The following KDM5A variants were observed in gnomAD, a reference collection of about 807,000 sequenced individuals.
KDM5A encodes lysine demethylase 5A, also known as lysine-specific demethylase 5A.
A neutral mutation model predicts 193.5 loss-of-function variants in KDM5A; 42 were observed. The ratio of observed to expected loss-of-function variants is 0.22; its 90% CI spans 0.17 to 0.28. The LOEUF (loss-of-function observed/expected upper bound fraction) is 0.28. Ranked by LOEUF, KDM5A falls within the 10% of genes least tolerant of loss-of-function variation. The pLI, the probability that KDM5A is intolerant of heterozygous loss-of-function variation, is 1.00. For synonymous variants in KDM5A, 796 were observed against 718.1 expected (o/e 1.11, Z -1.73); for missense variants, 1,692 against 2,055.1 (o/e 0.82, Z 3.42).
At chr12:356,661 TA>T in intron 5 of KDM5A, 124 bp from the exon 6 acceptor site, 1 of 703,000 alleles carries the variant, frequency 1.4e-6, no homozygotes. Context: ...TTCTTTTCTG[TA>T]AATCCACTCA....
At chr12:380,882 G>A (rs544108864) in intron 3 of KDM5A, among the ~76,000 whole-genome samples, 5 of 151,832 alleles carry the variant, frequency 3.3e-5, no homozygotes, top group African/African-American at 1.2e-4. Flanking sequence ...TGCAACCTCT[G>A]CCTCCCGGTT....
chr12:372,358 G>A (rs887028856), intron 3 of KDM5A, among the ~76,000 whole-genome samples: 6 of 152,150 alleles, frequency 3.9e-5, no homozygotes, highest in Non-Finnish European at 4.4e-5. Flanking sequence ...TCTGTTTGAA[G>A]CAATTGTGAA....
At chr12:378,850 G>T (rs571629023) in intron 3 of KDM5A, among the ~76,000 whole-genome samples, 2 of 151,778 alleles carry the variant, frequency 1.3e-5, no homozygotes, top group Non-Finnish European at 2.9e-5. Flanking sequence ...TCCCAGCTAC[G>T]CGGGAGGCTG....
At chr12:330,794 T>G (rs1243273709) in intron 13 of KDM5A, among the ~76,000 whole-genome samples, 1 of 152,124 alleles carries the variant, frequency 6.6e-6, no homozygotes, top group African/African-American at 2.4e-5. Flanking sequence ...AAAAACAATC[T>G]CTATATGGTT....
chr12:388,894 C>G (rs1158005993), intron 1 of KDM5A, 33 bp downstream of exon 1: 1 of 1,612,568 alleles, frequency 6.2e-7, no homozygotes, highest in Non-Finnish European at 8.5e-7. Flanking sequence ...CCCATTCTTC[C>G]TTCTCCCCCT....
At chr12:299,122 C>T (rs1341763649) in intron 24 of KDM5A, among the ~76,000 whole-genome samples, 1 of 152,158 alleles carries the variant, frequency 6.6e-6, no homozygotes, top group East Asian at 1.9e-4. Context: ...GAAAAACACT[C>T]TTCAGGATAT....
Position 331,857 on chromosome 12 carries a change from T to A in KDM5A, c.1735A>T (p.Asn579Tyr). The change falls in exon 13 of 28, where the codon AAC (asparagine) becomes TAC (tyrosine). Residue 579 changes from asparagine (N) to tyrosine (Y), a missense_variant. By Grantham distance (143) the Asn-to-Tyr change is moderately radical. Around this residue, in one of 11 missense-constraint regions of KDM5A, gnomAD observed 172 missense variants for 260.3 expected, o/e 0.66. Coordinates refer to ENST00000399788, the MANE Select transcript of KDM5A (RefSeq NM_001042603.3). ...AYHSGFNQGY[N>Y]FAEAVNFCTA... ...CAGAAGTTCACAGCTTCAGCAAAGT[T>A]GTAGCCCTGGTTAAATCCAGAGTGA... The A allele has an allele frequency of 6.2e-7, 1 of 1,614,090 alleles. No homozygotes were observed. The highest frequency in any genetic ancestry group is 1.1e-5 in the South Asian group (1 of 91,088).
In KDM5A at chr12:283,167, G is replaced by A; in HGVS notation, c.*2289C>T. 4.3e-6 allele frequency: 1 copy of A among 231,288 alleles called. No homozygotes were observed. Among genetic ancestry groups the A allele is most frequent in the Non-Finnish European group, 8.6e-6 (1 of 116,770 alleles). 14.3% of individuals were successfully genotyped at this position (231,288 alleles called of 1,614,324 possible). On this transcript the variant is annotated 3_prime_UTR_variant, in exon 28 of 28. Coordinates refer to ENST00000399788, the MANE Select transcript of KDM5A (RefSeq NM_001042603.3). ...AAATAAAAATTTTAAATGTATTCCA[G>A]GCATCTGTCACTTAAAATTACATTC...
intron 12 of KDM5A, among the ~76,000 whole-genome samples, chr12:332,388 C>A (rs1001433339): frequency 4.0e-4 from 61 of 152,276 alleles, no homozygotes; most frequent in African/African-American, 1.3e-3. Context: ...TTCCTGAAAT[C>A]TCACTTTGTT....
intron 20 of KDM5A, 64 bp from the exon 21 acceptor site, chr12:311,128 G>A: frequency 7.0e-7 from 1 of 1,438,200 alleles, no homozygotes; most frequent in Non-Finnish European, 9.8e-7. Flanking sequence ...ATATACTGTT[G>A]AAAGACCTTA....
chr12:306,437 T>C (rs1486779572), intron 24 of KDM5A, among the ~76,000 whole-genome samples: 1 of 152,204 alleles, frequency 6.6e-6, no homozygotes, highest in Non-Finnish European at 1.5e-5. Context: ...GATTTTTTAA[T>C]TCTATTTTTT....
chr12:291,088 A>C (rs1461193884), intron 27 of KDM5A, among the ~76,000 whole-genome samples: 1 of 152,182 alleles, frequency 6.6e-6, no homozygotes, highest in Non-Finnish European at 1.5e-5. Context: ...AAAGATAAAA[A>C]TAATATGCAC....
rs146574584 is a variant in KDM5A at position 282,413 on chromosome 12, T to C, written c.*3043A>G. 1 of 233,334 alleles carries C rather than the reference T, an allele frequency of 4.3e-6. No homozygotes were observed. The highest frequency in any genetic ancestry group is 6.0e-5 in the East Asian group (1 of 16,586). The allele number at this position is 233,334 out of a possible 1,614,324, so 14.5% of individuals were successfully genotyped here. Reference sequence around the variant, plus strand: ...AATTTTACTGAGGCACAAATTTGAATCATGCAGGCAAAGCTGGTGTGCAGC... The same window carrying C: ...AATTTTACTGAGGCACAAATTTGAACCATGCAGGCAAAGCTGGTGTGCAGC... On this transcript the variant is annotated 3_prime_UTR_variant, in exon 28 of 28. Transcript: ENST00000399788.
chr12:323,519 A>G (rs1269177189), intron 15 of KDM5A, 81 bp downstream of exon 15: 5 of 1,346,210 alleles, frequency 3.7e-6, no homozygotes, highest in Non-Finnish European at 5.3e-6. Context: ...AAAGGAGTAA[A>G]GTAAGGGAAT....
At chr12:360,566 AT>A (rs1944281776) in intron 5 of KDM5A, among the ~76,000 whole-genome samples, 1 of 152,230 alleles carries the variant, frequency 6.6e-6, no homozygotes, top group Non-Finnish European at 1.5e-5. Context: ...AAGATATGAA[AT>A]GAAAAGGAGA....
At chr12:372,564 C>T (rs1386464019) in intron 3 of KDM5A, among the ~76,000 whole-genome samples, 1 of 152,166 alleles carries the variant, frequency 6.6e-6, no homozygotes, top group African/African-American at 2.4e-5. Flanking sequence ...TCCTCTTTTC[C>T]TGATTGAATA....
chr12:371,799 C>A (rs1944431149), intron 3 of KDM5A, among the ~76,000 whole-genome samples: 2 of 152,146 alleles, frequency 1.3e-5, no homozygotes, highest in Non-Finnish European at 2.9e-5. Flanking sequence ...AGGAAGGGAT[C>A]CAGTTTCAGC....
intron 3 of KDM5A, among the ~76,000 whole-genome samples, chr12:378,343 A>C (rs565297467): frequency 4.6e-5 from 7 of 152,104 alleles, no homozygotes; most frequent in Non-Finnish European, 8.8e-5. Flanking sequence ...CTGTAGCCCC[A>C]AACACCTGGA....
Position 389,163 on chromosome 12 carries a change from C to T in KDM5A, c.-72G>A, listed in dbSNP as rs749160148. ...GAAAAGCTGGCTGAAGCCCACTAAG[C>T]CCGTTCAAGTCCCCTGACAGAGGCC... On this transcript the variant is annotated 5_prime_UTR_variant, in exon 1 of 28. Transcript: ENST00000399788. The T allele has an allele frequency of 1.4e-6, 2 of 1,405,794 alleles. No homozygotes were observed. Among genetic ancestry groups the T allele is most frequent in the Non-Finnish European group, 2.0e-6 (2 of 991,382 alleles). 87.1% of individuals were successfully genotyped at this position (1,405,794 alleles called of 1,614,324 possible).
Sources: gnomAD v4.1 joint callset for allele counts (sites outside exome capture counted in the v4.1 genomes callset) on GRCh38, gnomAD v4.1.1 for gene constraint, gnomAD v4.1.1 regional missense constraint, MANE v1.5 for transcripts, NCBI Gene and HGNC (gene_info 2026-07-23, HGNC 2026-07-21) for gene names.